The following TNFSF11 variants were observed in gnomAD, a reference collection of about 807,000 sequenced individuals.
TNFSF11 encodes tumor necrosis factor ligand superfamily member 11.
TNFSF11 carries 12 observed loss-of-function variants against 32.2 expected under a neutral mutation model. The observed-to-expected ratio is 0.37, with a 90% CI of 0.24 to 0.60. TNFSF11 has a LOEUF of 0.60. TNFSF11 is among the 20% of genes least tolerant of loss of function. The probability of loss-of-function intolerance (pLI) is 0.66; values close to 1 mark genes in which losing one functional copy is unlikely to be tolerated. For synonymous variants in TNFSF11, 172 were observed against 152.1 expected, an observed-to-expected ratio of 1.13 and a Z score of -0.96; for missense variants, 345 against 398.0, an observed-to-expected ratio of 0.87 and a Z score of 1.13.
chr13:42,592,610 A>G (rs1868549481), intron 2 of TNFSF11, among the ~76,000 whole-genome samples: 1 of 152,208 alleles, frequency 6.6e-6, no homozygotes, highest in African/African-American at 2.4e-5. Flanking sequence ...GACATAGTTT[A>G]TTAAATCATT....
At chr13:42,577,657 C>A (rs901172505) in intron 1 of TNFSF11, among the ~76,000 whole-genome samples, 11 of 151,960 alleles carry the variant, frequency 7.2e-5, no homozygotes, top group African/African-American at 2.7e-4. Flanking sequence ...TAACTTCTTC[C>A]CTCGATCCCC....
In TNFSF11 at chr13:42,606,394, A is replaced by T. The variant is rs1242592019; in HGVS notation, c.533-103A>T. The stretch of plus-strand genomic sequence containing the variant: ...CAATAAGTTATTCTCCCTTTGAAAT[A>T]ATGACTGCTATACTATTTTTTCTCC... On this transcript the variant is annotated intron_variant, in intron 4 of 4. Transcript: ENST00000398795. 5 of 1,367,744 alleles carry T rather than the reference A, an allele frequency of 3.7e-6. No individual in the cohort carries two copies. In the African/African-American group the frequency reaches 7.2e-5, roughly 20 times the overall value. 84.7% of individuals were successfully genotyped at this position (1,367,744 alleles called of 1,614,324 possible). A position where few individuals can be genotyped will look rare whatever the true frequency, so the allele number is the denominator to read the frequency against.
At chr13:42,583,446 A>AAAAAAAAAAAAAAAAG (rs1873729352) in intron 2 of TNFSF11, among the ~76,000 whole-genome samples, 1 of 60,380 alleles carries the variant, frequency 1.7e-5, no homozygotes, top group African/African-American at 4.1e-5. Flanking sequence ...AAAGAAAGGA[A>AAAAAAAAAAAAAAAAG]GAAAGGAAGG....
intron 2 of TNFSF11, among the ~76,000 whole-genome samples, chr13:42,591,546 C>A (rs887514820): frequency 6.6e-6 from 1 of 152,194 alleles, no homozygotes; most frequent in Non-Finnish European, 1.5e-5. Flanking sequence ...ATTCAGGCAA[C>A]AGAGAACTCA....
rs368988188 is a variant in TNFSF11, at chr13:42,600,224, G to A, written c.388-528G>A. ...ATTGTTGGTACTCTAAAGGCTCTTA[G>A]ACTTCCATATAGTGCTTTAAGTACA... On this transcript the variant is annotated intron_variant, in intron 2 of 4. Coordinates refer to ENST00000398795, the MANE Select transcript of TNFSF11 (RefSeq NM_003701.4). Among the ~76,000 whole-genome samples, 5 of 152,236 alleles carry A rather than the reference G, an allele frequency of 3.3e-5. No individual in the cohort carries two copies. The South Asian group carries it at 8.3e-4, about 25-fold the overall frequency.
At chr13:42,574,559 G>A in intron 1 of TNFSF11, 37 bp downstream of exon 1, 1 of 1,592,234 alleles carries the variant, frequency 6.3e-7, no homozygotes, top group Non-Finnish European at 8.5e-7. Context: ...GCGGCTGAGA[G>A]CGCCCATCTC....
At position 42,581,219 on chromosome 13, in the gene TNFSF11, G is replaced by A; in HGVS notation, c.313G>A (p.Glu105Lys). 6.2e-7 allele frequency: 1 copy of A among 1,614,034 alleles called. No homozygotes were observed. Reference protein sequence around the residue: ...ENADFQDTTLESQDTKLIPDS... With the variant: ...ENADFQDTTLKSQDTKLIPDS... ...TGCAGATTTTCAAGACACAACTCTG[G>A]AGAGTCAAGATACAAAATTAATACC... is the stretch of plus-strand genomic sequence containing the variant. The change falls in exon 2 of 5, where the codon GAG becomes AAG. Residue 105 changes from glutamate (E) to lysine (K), a missense_variant. This residue lies in a region of TNFSF11 where 197 missense variants were observed against 182.0 expected (regional missense o/e 1.08). Coordinates refer to ENST00000398795, the MANE Select transcript of TNFSF11 (RefSeq NM_003701.4).
At position 42,588,007 on chromosome 13, in the gene TNFSF11, G is replaced by T. The variant is rs544784032; in HGVS notation, c.387+6714G>T. Among the ~76,000 whole-genome samples, 8 of 152,280 alleles carry T rather than the reference G, an allele frequency of 5.3e-5. No homozygotes were observed. The East Asian group carries it at 7.7e-4, about 15-fold the overall frequency. On this transcript the variant is annotated intron_variant, in intron 2 of 4. Coordinates refer to ENST00000398795, the MANE Select transcript of TNFSF11 (RefSeq NM_003701.4). ...CCTTTGTATACAAGAGTATGTGTCC[G>T]AAGAAAGTTTCTCATAAACCCACAA... is the stretch of plus-strand genomic sequence containing the variant.
intron 2 of TNFSF11, among the ~76,000 whole-genome samples, chr13:42,584,670 C>G (rs1193794175): frequency 2.6e-5 from 4 of 152,180 alleles, no homozygotes; most frequent in African/African-American, 9.7e-5. Flanking sequence ...CGATTCACTA[C>G]TTGGCAAACC....
chr13:42,578,449 G>C (rs1594461171), intron 1 of TNFSF11, among the ~76,000 whole-genome samples: 1 of 152,178 alleles, frequency 6.6e-6, no homozygotes, highest in Admixed American at 6.5e-5. Flanking sequence ...AAGGAGAGCT[G>C]CAAGGGCATT....
chr13:42,594,345 A>G (rs1326728887), intron 2 of TNFSF11, among the ~76,000 whole-genome samples: 1 of 151,994 alleles, frequency 6.6e-6, no homozygotes, highest in Non-Finnish European at 1.5e-5. Flanking sequence ...AGCCTCCGAA[A>G]GTGCTGGGAT....
chr13:42,585,483 C>T (rs1424632818), intron 2 of TNFSF11, among the ~76,000 whole-genome samples: 2 of 152,160 alleles, frequency 1.3e-5, no homozygotes, highest in African/African-American at 4.8e-5. Context: ...GCTTCCCCCA[C>T]CCCCTTTAGC....
At chr13:42,587,956 A>T (rs1873977391) in intron 2 of TNFSF11, among the ~76,000 whole-genome samples, 1 of 152,222 alleles carries the variant, frequency 6.6e-6, no homozygotes, top group Non-Finnish European at 1.5e-5. Flanking sequence ...GAGAGGAGGG[A>T]TTAAACCCCA....
intron 1 of TNFSF11, among the ~76,000 whole-genome samples, chr13:42,575,113 G>A (rs1280526135): frequency 6.6e-6 from 1 of 152,272 alleles, no homozygotes; most frequent in East Asian, 1.9e-4. Context: ...CCAGAGAGGC[G>A]CGGGCTCGGG....
chr13:42,564,668 A>C (rs1039552758), intron 1 of TNFSF11, among the ~76,000 whole-genome samples: 10 of 152,138 alleles, frequency 6.6e-5, no homozygotes, highest in Middle Eastern at 3.4e-3. Flanking sequence ...TGAACCATGC[A>C]TTTCAGCTTC....
chr13:42,571,638 G>A (rs1182424335), upstream of TNFSF11: 1 of 152,130 alleles, frequency 6.6e-6, no homozygotes, highest in Non-Finnish European at 1.5e-5. Flanking sequence ...CAAAGTGCTG[G>A]GATTATAGAA....
intron 2 of TNFSF11, among the ~76,000 whole-genome samples, chr13:42,588,081 C>A (rs1185769947): frequency 1.3e-5 from 2 of 152,182 alleles, no homozygotes; most frequent in Non-Finnish European, 2.9e-5. Flanking sequence ...CGATGTTAGT[C>A]ATGTAGTGGT....
At chr13:42,577,465 A>G (rs1873377650) in intron 1 of TNFSF11, among the ~76,000 whole-genome samples, 1 of 152,142 alleles carries the variant, frequency 6.6e-6, no homozygotes, top group Non-Finnish European at 1.5e-5. Flanking sequence ...TCTGCTATAT[A>G]TTTACCACAT....
chr13:42,567,262 C>G (rs1359535881), intron 2 of TNFSF11, among the ~76,000 whole-genome samples: 3 of 152,168 alleles, frequency 2.0e-5, no homozygotes, highest in Admixed American at 1.3e-4. Context: ...TTTAAAAGCT[C>G]TAATACTTTA....
Sources: allele counts gnomAD v4.1 joint callset (sites outside exome capture counted in the v4.1 genomes callset), GRCh38; gene constraint gnomAD v4.1.1; regional missense constraint gnomAD v4.1.1; transcripts MANE v1.5; gene names NCBI Gene and HGNC (gene_info 2026-07-23, HGNC 2026-07-21).